The following COG5 variants were observed in gnomAD, a reference collection of about 807,000 sequenced individuals.
COG5 encodes the protein conserved oligomeric Golgi complex subunit 5.
Under a neutral mutation model 110.4 loss-of-function variants are expected in COG5, and 86 were observed. The ratio of observed to expected loss-of-function variants is 0.78; its 90% CI spans 0.65 to 0.93. The LOEUF (loss-of-function observed/expected upper bound fraction) is 0.93, where lower values mean the gene tolerates loss of function less well. Among genes scored for constraint, COG5 ranks in the 40% least tolerant of loss-of-function variants. The pLI is 0.00. For synonymous variants in COG5, 360 were observed against 334.6 expected, an observed-to-expected ratio of 1.08 and a Z score of -0.83; for missense variants, 1,077 against 987.0, an observed-to-expected ratio of 1.09 and a Z score of -1.22.
chr7:107,275,600 G>C (rs1010621423), intron 14 of COG5, among the ~76,000 whole-genome samples: 2 of 151,848 alleles, frequency 1.3e-5, no homozygotes, highest in African/African-American at 4.8e-5. Context: ...CTGTCGCCCA[G>C]GCTTGAGTGC....
intron 5 of COG5, among the ~76,000 whole-genome samples, chr7:107,538,880 GGATA>G (rs1584945960): frequency 6.6e-6 from 1 of 152,146 alleles, no homozygotes; most frequent in Admixed American, 6.5e-5. Context: ...CAAATTGAAT[GGATA>G]AACAAAATGT....
intron 6 of COG5, among the ~76,000 whole-genome samples, chr7:107,520,946 T>G (rs7807154): frequency 0.13 from 20,220 of 151,960 alleles, 1,545 homozygotes; most frequent in Non-Finnish European, 0.17. Flanking sequence ...CCAAAAGAGA[T>G]ATGTAACTAA....
rs190991861 is a variant in COG5, at chr7:107,208,450, C to A, written c.2375+2076G>T. The stretch of plus-strand genomic sequence containing the variant: ...CAACTTGTTAAGACGACAAAAATGA[C>A]CAACTTGTTAAGATGAGAAAAATGA... On this transcript the variant is annotated intron_variant, in intron 21 of 21. Transcript: ENST00000297135. 4.2e-4 allele frequency: 409 copies of A among 985,394 alleles called. 1 individual carries two copies. The highest frequency in any genetic ancestry group is 2.0e-3 in the Admixed American group (32 of 16,288). 61.0% of individuals were successfully genotyped at this position (985,394 alleles called of 1,614,324 possible).
chr7:107,366,979 T>C (rs1490517147), intron 8 of COG5, among the ~76,000 whole-genome samples: 2 of 152,100 alleles, frequency 1.3e-5, no homozygotes, highest in African/African-American at 4.8e-5. Context: ...AATTTTGAGG[T>C]GATATATTAA....
intron 6 of COG5, among the ~76,000 whole-genome samples, chr7:107,428,330 C>T (rs1379589508): frequency 6.6e-6 from 1 of 152,074 alleles, no homozygotes; most frequent in East Asian, 1.9e-4. Context: ...GGCCCCTAAT[C>T]CAATGACTGG....
chr7:107,394,245 G>C (rs1790829364), intron 7 of COG5, among the ~76,000 whole-genome samples: 1 of 150,324 alleles, frequency 6.7e-6, no homozygotes, highest in African/African-American at 2.5e-5. Flanking sequence ...TTACAGGCGT[G>C]AGCCACCATG....
chr7:107,302,596 C>T (rs1006735823), intron 11 of COG5, among the ~76,000 whole-genome samples: 6 of 152,286 alleles, frequency 3.9e-5, no homozygotes, highest in African/African-American at 1.4e-4. Flanking sequence ...TGGCCTCCCT[C>T]TTCCCTGATA....
intron 5 of COG5, among the ~76,000 whole-genome samples, chr7:107,541,176 A>C (rs1801956065): frequency 6.7e-6 from 1 of 150,358 alleles, no homozygotes; most frequent in Non-Finnish European, 1.5e-5. Context: ...ATTTATAAAC[A>C]TGTATATGTT....
At chr7:107,374,816 C>T (rs1335863514) in intron 7 of COG5, among the ~76,000 whole-genome samples, 5 of 151,800 alleles carry the variant, frequency 3.3e-5, no homozygotes, top group Non-Finnish European at 5.9e-5. Flanking sequence ...CAATTAATGG[C>T]ATTCATATTT....
chr7:107,474,939 C>T lies in COG5; in HGVS notation c.538+52298G>A. The T allele has an allele frequency of 6.2e-7, 1 of 1,612,508 alleles. No individual in the cohort carries two copies. The highest frequency in any genetic ancestry group is 8.5e-7 in the Non-Finnish European group (1 of 1,179,284). ...GAACTTCAGTTTCTGTAATAATTGC[C>T]CTCCGGCGAGCTGTGAAACGACACC... is the stretch of plus-strand genomic sequence containing the variant. On this transcript the variant is annotated intron_variant, in intron 6 of 21. Coordinates refer to ENST00000297135, the MANE Select transcript of COG5 (RefSeq NM_006348.5). The surrounding 1 kb of genome is among the most constrained non-coding windows in gnomAD (Gnocchi z 5.7).
intron 6 of COG5, among the ~76,000 whole-genome samples, chr7:107,415,982 GTA>G (rs140331190): frequency 0.073 from 5,746 of 78,760 alleles, 1,210 homozygotes; most frequent in East Asian, 0.16. Flanking sequence ...ATACACGTAT[GTA>G]TATATGTGTG....
chr7:107,385,097 G>A (rs2129054407), intron 7 of COG5, among the ~76,000 whole-genome samples: 1 of 152,276 alleles, frequency 6.6e-6, no homozygotes, highest in Non-Finnish European at 1.5e-5. Context: ...AATGACTGAT[G>A]TCCTTTTAAA....
chr7:107,268,465 C>A (rs964677817), intron 14 of COG5, among the ~76,000 whole-genome samples: 10 of 152,174 alleles, frequency 6.6e-5, no homozygotes, highest in Admixed American at 4.6e-4. Context: ...CAAAACATGG[C>A]ACTATATTCG....
chr7:107,532,699 C>T (rs896819419), intron 5 of COG5, among the ~76,000 whole-genome samples: 3 of 152,108 alleles, frequency 2.0e-5, no homozygotes, highest in African/African-American at 7.2e-5. Context: ...AGATTCCTAG[C>T]TCTCAAGGAC....
rs547315226 is a variant in COG5, at chr7:107,434,797, T to A, written c.539-22165A>T. 4.6e-5 allele frequency among the ~76,000 whole-genome samples: 7 copies of A among 151,980 alleles called. No homozygotes were observed. The East Asian group carries it at 1.2e-3, about 25-fold the overall frequency. ...CATCCTGGCTAACACAGTGAAACCC[T>A]GTCTCTACTAAAAATACAAAAAATT... On this transcript the variant is annotated intron_variant, in intron 6 of 21. Coordinates refer to ENST00000297135, the MANE Select transcript of COG5 (RefSeq NM_006348.5).
At chr7:107,466,749 C>G (rs1241038542) in intron 6 of COG5, among the ~76,000 whole-genome samples, 3 of 152,112 alleles carry the variant, frequency 2.0e-5, no homozygotes, top group Non-Finnish European at 1.5e-5. Context: ...TCTATGGGCT[C>G]CAGTATCAGA....
chr7:107,362,016 T>A lies in COG5; in HGVS notation c.1026+17A>T. The A allele has an allele frequency of 1.3e-6, 2 of 1,521,568 alleles. No homozygotes were observed. Among genetic ancestry groups the A allele is most frequent in the Non-Finnish European group, 9.1e-7 (1 of 1,102,204 alleles). 94.3% of individuals were successfully genotyped at this position (1,521,568 alleles called of 1,614,324 possible). On this transcript the variant is annotated intron_variant, in intron 10 of 21. Coordinates refer to ENST00000297135, the MANE Select transcript of COG5 (RefSeq NM_006348.5). ...TTTGTACAAGAAAGATGTAAAAATA[T>A]TTTCCTTTAAACATACCTTAACTAT...
intron 2 of COG5, among the ~76,000 whole-genome samples, chr7:107,556,833 C>G (rs1803360004): frequency 6.6e-6 from 1 of 151,760 alleles, no homozygotes; most frequent in Non-Finnish European, 1.5e-5. Context: ...TGCAATGGCA[C>G]GATCTCGGCT....
At chr7:107,362,161 G>A (rs1038517266) in intron 9 of COG5, 51 bp from the exon 10 acceptor site, 11 of 1,459,510 alleles carry the variant, frequency 7.5e-6, no homozygotes, top group Non-Finnish European at 1.0e-5. Context: ...CAAGAAAAGG[G>A]AAATGGCAAC....
Sources: allele counts gnomAD v4.1 joint callset (sites outside exome capture counted in the v4.1 genomes callset), GRCh38; gene constraint gnomAD v4.1.1; non-coding constraint Gnocchi (gnomAD v3.1); transcripts MANE v1.5; gene names NCBI Gene and HGNC (gene_info 2026-07-23, HGNC 2026-07-21).